REXO2: variants seen among roughly 807,000 people sequenced by gnomAD.
REXO2 encodes the protein RNA exonuclease 2.
REXO2 carries 17 observed loss-of-function variants against 30.9 expected under a neutral mutation model. The observed-to-expected ratio is 0.55, with a 90% CI of 0.38 to 0.82. The LOEUF (loss-of-function observed/expected upper bound fraction) is 0.82, where lower values mean the gene tolerates loss of function less well. REXO2 is among the 40% of genes least tolerant of loss of function. REXO2 has a pLI of 0.00. For synonymous variants in REXO2, 105 were observed against 99.6 expected, an observed-to-expected ratio of 1.05 and a Z score of -0.32; for missense variants, 253 against 293.2, an observed-to-expected ratio of 0.86 and a Z score of 1.00.
chr11:114,439,500 A>T lies in REXO2; in HGVS notation c.-29A>T. The stretch of plus-strand genomic sequence containing the variant: ...CGCCTGCGCCAGCGCCGGCTGCGAG[A>T]CTGGGGCCGTGGCTGCTGGTCCCGG... On this transcript the variant is annotated 5_prime_UTR_variant, in exon 1 of 7. Transcript: ENST00000265881. 1.3e-6 allele frequency: 2 copies of T among 1,599,912 alleles called. No homozygotes were observed. The highest frequency in any genetic ancestry group is 1.1e-5 in the South Asian group (1 of 90,714).
intron 1 of REXO2, 117 bp downstream of exon 1, chr11:114,439,792 G>T: frequency 7.8e-7 from 1 of 1,285,610 alleles, no homozygotes; most frequent in South Asian, 1.6e-5. Flanking sequence ...TGGCAGGTGA[G>T]CGCGGCCGGC....
chr11:114,442,262 C>T (rs1210271045), intron 2 of REXO2, among the ~76,000 whole-genome samples: 1 of 151,936 alleles, frequency 6.6e-6, no homozygotes, highest in Non-Finnish European at 1.5e-5. Flanking sequence ...AGCAGGCATC[C>T]TACTCTGAAA....
intron 5 of REXO2, among the ~76,000 whole-genome samples, chr11:114,446,615 T>G (rs1946511132): frequency 6.6e-6 from 1 of 152,154 alleles, no homozygotes. Flanking sequence ...AGAGTGGAAG[T>G]CTTGCAGGCA....
chr11:114,444,305 G>A (rs898439970), intron 3 of REXO2: 9 of 622,934 alleles, frequency 1.4e-5, no homozygotes, highest in African/African-American at 7.3e-5. Flanking sequence ...TTTGAACACC[G>A]TCTTTTTTGA....
chr11:114,441,606 A>G (rs1946478479), intron 2 of REXO2: 3 of 629,338 alleles, frequency 4.8e-6, no homozygotes, highest in South Asian at 3.8e-5. Flanking sequence ...GAAACTCCAG[A>G]ATAGGAACAA....
chr11:114,445,799 A>G, intron 4 of REXO2, 180 bp from the exon 5 acceptor site: 2 of 551,782 alleles, frequency 3.6e-6, no homozygotes, highest in Non-Finnish European at 6.5e-6. Context: ...AAGTACTTGG[A>G]AATCTGTACT....
At chr11:114,448,855 G>C (rs1172922519) in intron 6 of REXO2, 1 of 152,260 alleles carries the variant, frequency 6.6e-6, no homozygotes, top group Non-Finnish European at 1.5e-5. Flanking sequence ...TTTCAGGTGT[G>C]TTTTGGATTT....
chr11:114,446,109 C>T lies in REXO2; in HGVS notation c.530+22C>T, dbSNP rs79462135. The T allele has an allele frequency of 4.3e-4, 527 of 1,229,180 alleles. No individual in the cohort carries two copies. The African/African-American group carries it at 7.2e-3, about 17-fold the overall frequency. The allele number at this position is 1,229,180 out of a possible 1,614,324, so 76.1% of individuals were successfully genotyped here. On this transcript the variant is annotated intron_variant, in intron 5 of 6. Transcript: ENST00000265881. ...GCAGGTAAGGGCTATATTTAGGATC[C>T]ATTAAATTACCTCATTTAGCATGTT...
intron 5 of REXO2, among the ~76,000 whole-genome samples, chr11:114,447,530 C>G (rs1303604802): frequency 2.0e-5 from 3 of 151,636 alleles, no homozygotes. Context: ...TTAGAAGTGT[C>G]TGGTAGATTT....
At chr11:114,444,518 G>T (rs200951198) in intron 3 of REXO2, 23 bp from the exon 4 acceptor site, 31 of 1,545,232 alleles carry the variant, frequency 2.0e-5, no homozygotes, top group Non-Finnish European at 2.4e-5. Flanking sequence ...TTTTGGTGGG[G>T]GGCTGGGGAT....
At chr11:114,441,889 C>T in intron 2 of REXO2, 1 of 615,254 alleles carries the variant, frequency 1.6e-6, no homozygotes, top group Non-Finnish European at 2.9e-6. Context: ...ATAAATAAAG[C>T]CCTGAGTTTT....
intron 6 of REXO2, among the ~76,000 whole-genome samples, chr11:114,448,605 G>C (rs1396579262): frequency 6.6e-6 from 1 of 152,060 alleles, no homozygotes; most frequent in Non-Finnish European, 1.5e-5. Context: ...ACACAACTGG[G>C]GTATGTTTTG....
chr11:114,447,029 T>C (rs979904415), intron 5 of REXO2, among the ~76,000 whole-genome samples: 3 of 149,560 alleles, frequency 2.0e-5, no homozygotes, highest in South Asian at 2.2e-4. Flanking sequence ...AGCTCCGCCT[T>C]CCGGATTCAC....
chr11:114,446,985 C>G (rs976073633), intron 5 of REXO2, among the ~76,000 whole-genome samples: 1 of 133,618 alleles, frequency 7.5e-6, no homozygotes, highest in African/African-American at 2.9e-5. Context: ...GTCGCCCAGG[C>G]GGGAGTGCTG....
At chr11:114,449,083 A>C (rs1946529792) in intron 6 of REXO2, 1 of 152,266 alleles carries the variant, frequency 6.6e-6, no homozygotes, top group Admixed American at 6.5e-5. Flanking sequence ...TTACTTGCAC[A>C]CTGTTCTAAT....
chr11:114,446,665 G>A (rs928224219), intron 5 of REXO2, among the ~76,000 whole-genome samples: 1 of 152,192 alleles, frequency 6.6e-6, no homozygotes, highest in Non-Finnish European at 1.5e-5. Flanking sequence ...GCAGACAGAA[G>A]TATAAGAATG....
intron 4 of REXO2, among the ~76,000 whole-genome samples, chr11:114,444,920 T>G (rs182047763): frequency 1.3e-5 from 2 of 152,352 alleles, no homozygotes; most frequent in Admixed American, 1.3e-4. Flanking sequence ...AAATTTCACA[T>G]GCACAGAGGA....
chr11:114,448,578 C>G (rs892682076), intron 6 of REXO2, among the ~76,000 whole-genome samples: 1 of 152,142 alleles, frequency 6.6e-6, no homozygotes, highest in Non-Finnish European at 1.5e-5. Flanking sequence ...GCATACAGGC[C>G]TAGACTACCT....
In REXO2 at chr11:114,439,587, G is replaced by T. The variant is rs1160343186; in HGVS notation, c.59G>T (p.Arg20Leu). 1.2e-6 allele frequency: 2 copies of T among 1,609,272 alleles called. No homozygotes were observed. Among genetic ancestry groups the T allele is most frequent in the East Asian group, 4.5e-5 (2 of 44,738 alleles). Residue 20 changes from arginine (R) to leucine (L), a missense_variant, in exon 1 of 7, where the codon CGG (arginine) becomes CTG (leucine). Physicochemically the swap from Arg to Leu is moderately radical, Grantham distance 102 (BLOSUM62 -2). Transcript: ENST00000265881. Reference protein sequence around the residue: ...LLRGVGGSHGRFGARGVREGG... With the variant: ...LLRGVGGSHGLFGARGVREGG... ...CGGGGTGTAGGTGGGAGTCACGGAC[G>T]GTTCGGGGCCCGAGGTGTCCGCGAA... is the stretch of plus-strand genomic sequence containing the variant.
Sources: allele counts gnomAD v4.1 joint callset (sites outside exome capture counted in the v4.1 genomes callset), GRCh38; gene constraint gnomAD v4.1.1; transcripts MANE v1.5; gene names NCBI Gene and HGNC (gene_info 2026-07-23, HGNC 2026-07-21).